Variants in PARD3B observed in about 807,000 individuals in gnomAD.
PARD3B encodes the protein partitioning defective 3 homolog B.
Under a neutral mutation model 130.2 loss-of-function variants are expected in PARD3B, and 103 were observed. That is an observed-to-expected ratio of 0.79 (90% CI 0.67 to 0.93). The LOEUF (loss-of-function observed/expected upper bound fraction) is 0.93, where lower values mean the gene tolerates loss of function less well. Ranked by LOEUF, PARD3B falls within the 40% of genes least tolerant of loss-of-function variation. PARD3B has a pLI of 0.00. For synonymous variants in PARD3B, 583 were observed against 553.2 expected (o/e 1.05, Z -0.76); for missense variants, 1,609 against 1,499.2 (o/e 1.07, Z -1.21).
At chr2:204,992,523 C>T (rs913884739) in intron 3 of PARD3B, among the ~76,000 whole-genome samples, 1 of 148,192 alleles carries the variant, frequency 6.7e-6, no homozygotes, top group African/African-American at 2.5e-5. Flanking sequence ...ATGCCTCCAG[C>T]TTTGTTCTTT....
At chr2:205,436,197 A>G (rs1359498871) in intron 19 of PARD3B, among the ~76,000 whole-genome samples, 1 of 152,224 alleles carries the variant, frequency 6.6e-6, no homozygotes, top group Non-Finnish European at 1.5e-5. Flanking sequence ...CAAAAGGCTT[A>G]GTCACTTCCC....
intron 2 of PARD3B, among the ~76,000 whole-genome samples, chr2:204,691,320 A>G (rs1388240423): frequency 6.6e-6 from 1 of 152,116 alleles, no homozygotes; most frequent in Non-Finnish European, 1.5e-5. Context: ...TAACTGTACA[A>G]AAGTAATACT....
At chr2:205,576,714 A>G (rs2053772457) in intron 22 of PARD3B, among the ~76,000 whole-genome samples, 1 of 152,154 alleles carries the variant, frequency 6.6e-6, no homozygotes, top group Non-Finnish European at 1.5e-5. Flanking sequence ...AGTAAATCTT[A>G]AAGTTGGCTA....
chr2:204,779,222 A>C (rs2041751566), intron 2 of PARD3B, among the ~76,000 whole-genome samples: 2 of 151,914 alleles, frequency 1.3e-5, no homozygotes, highest in African/African-American at 4.8e-5. Flanking sequence ...TCCATACTTT[A>C]CCTTCTCTAT....
chr2:205,497,562 T>G (rs760880598), intron 20 of PARD3B, among the ~76,000 whole-genome samples: 52 of 151,642 alleles, frequency 3.4e-4, no homozygotes, highest in Non-Finnish European at 6.3e-4. Flanking sequence ...CCAACTGTAA[T>G]ATTTGGGGTT....
Position 205,438,859 on chromosome 2 carries a change from A to G in PARD3B, c.2742-1511A>G, listed in dbSNP as rs564967587. Among the ~76,000 whole-genome samples, 8 of 152,266 alleles carry G rather than the reference A, an allele frequency of 5.3e-5. No homozygotes were observed. The East Asian group carries it at 1.5e-3, about 29-fold the overall frequency. ...AATCAAAAGAGATATGCAATAATAT[A>G]TCCTGGCATTTGTTTTCATCTGTTG... On this transcript the variant is annotated intron_variant, in intron 19 of 22. Coordinates refer to ENST00000406610, the MANE Select transcript of PARD3B (RefSeq NM_001302769.2).
chr2:205,381,764 A>G (rs1171242954), intron 18 of PARD3B, among the ~76,000 whole-genome samples: 1 of 152,072 alleles, frequency 6.6e-6, no homozygotes, highest in Non-Finnish European at 1.5e-5. Flanking sequence ...AAACATGTAG[A>G]CAATGTATAT....
At chr2:205,478,838 A>G (rs1486678168) in intron 20 of PARD3B, among the ~76,000 whole-genome samples, 2 of 152,194 alleles carry the variant, frequency 1.3e-5, no homozygotes. Context: ...TATATTTAGT[A>G]TGAAAAAGCA....
intron 16 of PARD3B, among the ~76,000 whole-genome samples, chr2:205,259,305 T>C (rs2040211674): frequency 6.6e-6 from 1 of 152,212 alleles, no homozygotes; most frequent in African/African-American, 2.4e-5. Flanking sequence ...ATGATGACAC[T>C]GTTTTGTTTA....
Position 205,458,579 on chromosome 2 carries a change from C to T in PARD3B, c.3044+17907C>T, listed in dbSNP as rs935402410. ...TTGTTTGTTTTACCCTGAGATGCTA[C>T]TTCTCTGATGAAATTCTCCATCATA... On this transcript the variant is annotated intron_variant, in intron 20 of 22. Coordinates refer to ENST00000406610, the MANE Select transcript of PARD3B (RefSeq NM_001302769.2). This position sits in a 1 kb window ranked among gnomAD's most constrained non-coding sequence, Gnocchi z 4.8. Among the ~76,000 whole-genome samples, 3 of 152,162 alleles carry T rather than the reference C, an allele frequency of 2.0e-5. No individual in the cohort carries two copies. The highest frequency in any genetic ancestry group is 4.4e-5 in the Non-Finnish European group (3 of 68,024).
In PARD3B at chr2:204,882,203, C is replaced by T. The variant is rs553667402; in HGVS notation, c.223-82949C>T. 1.4e-4 allele frequency among the ~76,000 whole-genome samples: 22 copies of T among 152,266 alleles called. No individual in the cohort carries two copies. The South Asian group carries it at 4.4e-3, about 30-fold the overall frequency. ...AAGAAAAGCAATTTTCTAAATTCCCCATATTTAAAAATCTGTACCATTTCT... is the reference window on the plus strand; with the variant it reads ...AAGAAAAGCAATTTTCTAAATTCCCTATATTTAAAAATCTGTACCATTTCT... On this transcript the variant is annotated intron_variant, in intron 2 of 22. Transcript: ENST00000406610.
chr2:204,790,694 A>G (rs1261732023), intron 2 of PARD3B, among the ~76,000 whole-genome samples: 1 of 152,234 alleles, frequency 6.6e-6, no homozygotes, highest in East Asian at 1.9e-4. Context: ...AGTTTTTCCT[A>G]AAATCCTGGC....
chr2:204,905,659 G>T (rs916725782), intron 2 of PARD3B, among the ~76,000 whole-genome samples: 1 of 152,196 alleles, frequency 6.6e-6, no homozygotes, highest in South Asian at 2.1e-4. Flanking sequence ...TGCTGTAGGT[G>T]AGGGACTGAC....
chr2:205,354,520 C>T (rs918361395), intron 18 of PARD3B, among the ~76,000 whole-genome samples: 4 of 151,782 alleles, frequency 2.6e-5, no homozygotes, highest in South Asian at 2.1e-4. Flanking sequence ...GGTCTCACTA[C>T]GTTGCCCAGA....
chr2:205,004,368 A>G (rs1695085955), intron 3 of PARD3B, among the ~76,000 whole-genome samples: 1 of 152,204 alleles, frequency 6.6e-6, no homozygotes, highest in Admixed American at 6.5e-5. Context: ...GATTTAGAAG[A>G]CCAGGTATTA....
intron 2 of PARD3B, among the ~76,000 whole-genome samples, chr2:204,754,289 AATT>A (rs2040579597): frequency 6.6e-6 from 1 of 152,186 alleles, no homozygotes; most frequent in Admixed American, 6.5e-5. Context: ...TTGAAATGTT[AATT>A]ATTATGACAG....
chr2:205,196,708 C>T (rs1387941357), intron 15 of PARD3B, among the ~76,000 whole-genome samples: 1 of 152,008 alleles, frequency 6.6e-6, no homozygotes, highest in Non-Finnish European at 1.5e-5. Flanking sequence ...TTATTAATAA[C>T]ATGTATTGAC....
At chr2:205,040,392 G>A (rs1698312706) in intron 3 of PARD3B, among the ~76,000 whole-genome samples, 4 of 152,200 alleles carry the variant, frequency 2.6e-5, no homozygotes, top group Admixed American at 2.6e-4. Flanking sequence ...TCTTTGAGGT[G>A]ACAGTGCTAG....
rs6725881 is a variant in PARD3B, at chr2:205,008,503, A to G, written c.395-39078A>G. ...CAACGTTGACCTTTGACATTAATAT[A>G]ATACTTAAGAAATGTATTTTAGCCC... On this transcript the variant is annotated intron_variant, in intron 3 of 22. Transcript: ENST00000406610. Among the ~76,000 whole-genome samples, 258 of 152,282 alleles carry G rather than the reference A, an allele frequency of 1.7e-3. 1 individual carries two copies. The highest frequency in any genetic ancestry group is 5.6e-3 in the African/African-American group (234 of 41,574).
Sources: gnomAD v4.1 joint callset for allele counts (sites outside exome capture counted in the v4.1 genomes callset) on GRCh38, gnomAD v4.1.1 for gene constraint, Gnocchi (gnomAD v3.1) non-coding constraint, MANE v1.5 for transcripts, NCBI Gene and HGNC (gene_info 2026-07-23, HGNC 2026-07-21) for gene names.